The following DHTKD1 variants were observed in gnomAD, a reference collection of about 807,000 sequenced individuals.
DHTKD1 encodes dehydrogenase E1 and transketolase domain containing 1, also known as 2-oxoadipate dehydrogenase complex component E1.
In DHTKD1, 78 loss-of-function variants were observed where a neutral mutation model predicts 101.8. That is an observed-to-expected ratio of 0.77 (90% CI 0.64 to 0.93). DHTKD1 has a LOEUF of 0.93. DHTKD1 is among the 40% of genes least tolerant of loss of function. The pLI is 0.00. For synonymous variants in DHTKD1, 462 were observed against 450.3 expected, an observed-to-expected ratio of 1.03 and a Z score of -0.33; for missense variants, 1,223 against 1,161.7, an observed-to-expected ratio of 1.05 and a Z score of -0.77.
At chr10:12,101,481 T>C (rs923328788) in intron 10 of DHTKD1, among the ~76,000 whole-genome samples, 2 of 152,214 alleles carry the variant, frequency 1.3e-5, no homozygotes, top group African/African-American at 2.4e-5. Context: ...TTCATTAAAG[T>C]TAGTCAAAGA....
rs1833534486 is a variant in DHTKD1 at position 12,122,011 on chromosome 10, TA to T, written c.*1125del. The T allele has an allele frequency of 6.6e-6, 1 of 152,208 alleles. No individual in the cohort carries two copies. The highest frequency in any genetic ancestry group is 6.6e-5 in the Admixed American group (1 of 15,262). The allele number at this position is 152,208 out of a possible 1,614,324, so 9.4% of individuals were successfully genotyped here. On this transcript the variant is annotated 3_prime_UTR_variant, in exon 17 of 17. Transcript: ENST00000263035. Reference sequence around the variant, plus strand: ...GCAGTACTAATATTTTCATTTTATGTAATCTCTGGTGCTGCTTTCCAGTCAC... The same window carrying T: ...GCAGTACTAATATTTTCATTTTATGTATCTCTGGTGCTGCTTTCCAGTCAC...
At chr10:12,119,633 AAAGAAAG>A in intron 15 of DHTKD1, among the ~76,000 whole-genome samples, 2 of 150,716 alleles carry the variant, frequency 1.3e-5, no homozygotes, top group South Asian at 4.2e-4. Flanking sequence ...AAAAAAAAAA[AAAGAAAG>A]AAAATTTGGT....
chr10:12,079,924 A>C (rs1041360727), intron 1 of DHTKD1, among the ~76,000 whole-genome samples: 1 of 152,158 alleles, frequency 6.6e-6, no homozygotes, highest in African/African-American at 2.4e-5. Context: ...TATGAGTGCA[A>C]ACACATCCTG....
intron 12 of DHTKD1, among the ~76,000 whole-genome samples, chr10:12,109,809 A>G (rs1395995016): frequency 6.6e-6 from 1 of 151,938 alleles, no homozygotes; most frequent in Non-Finnish European, 1.5e-5. Context: ...ACTAAAAATA[A>G]ATAAATAAAT....
rs1312234723 is a variant in DHTKD1 at position 12,110,290 on chromosome 10, C to G, written c.2154+2275C>G. Among the ~76,000 whole-genome samples the G allele has an allele frequency of 2.6e-5, 4 of 152,056 alleles. No individual in the cohort carries two copies. Among genetic ancestry groups the G allele is most frequent in the Non-Finnish European group, 4.4e-5 (3 of 68,018 alleles). On this transcript the variant is annotated intron_variant, in intron 12 of 16. Coordinates refer to ENST00000263035, the MANE Select transcript of DHTKD1 (RefSeq NM_018706.7). The surrounding 1 kb of genome is among the most constrained non-coding windows in gnomAD (Gnocchi z 4.9). ...CCAGCCTGGGTGACAGAGCGAGACT[C>G]TGTCTCCAGAAAAAAGAATGTGGTC...
rs920702317 is a variant in DHTKD1 at position 12,107,484 on chromosome 10, C to T, written c.2048-425C>T. On this transcript the variant is annotated intron_variant, in intron 11 of 16. Transcript: ENST00000263035. This position sits in a 1 kb window ranked among gnomAD's most constrained non-coding sequence, Gnocchi z 4.1. ...TCAGGCTGGTGTGCAGTGGCATGAT[C>T]TCAGGACACTGCAACCTCTATCTCC... Among the ~76,000 whole-genome samples, 1 of 152,064 alleles carries T rather than the reference C, an allele frequency of 6.6e-6. No individual in the cohort carries two copies. Among genetic ancestry groups the T allele is most frequent in the Non-Finnish European group, 1.5e-5 (1 of 68,028 alleles).
At position 12,097,669 on chromosome 10, in the gene DHTKD1, C is replaced by G; in HGVS notation, c.1359-15C>G. 1 of 1,589,364 alleles carries G rather than the reference C, an allele frequency of 6.3e-7. No individual in the cohort carries two copies. The highest frequency in any genetic ancestry group is 8.6e-7 in the Non-Finnish European group (1 of 1,168,482). On this transcript the variant is annotated splice_polypyrimidine_tract_variant and intron_variant, in intron 7 of 16. Coordinates refer to ENST00000263035, the MANE Select transcript of DHTKD1 (RefSeq NM_018706.7). ...CAGGTCAGACTGATTTTTGTTTCTT[C>G]TCTTTCTTGGGCAGAGCTCGAAAGA... is the stretch of plus-strand genomic sequence containing the variant.
intron 13 of DHTKD1, among the ~76,000 whole-genome samples, chr10:12,114,714 T>G (rs1254422019): frequency 6.6e-6 from 1 of 152,230 alleles, no homozygotes; most frequent in East Asian, 1.9e-4. Context: ...AGTGTATATT[T>G]GGAATTGAGG....
chr10:12,119,459 C>CA (rs769755049), intron 15 of DHTKD1, among the ~76,000 whole-genome samples: 27 of 143,242 alleles, frequency 1.9e-4, no homozygotes, highest in African/African-American at 6.5e-4. Flanking sequence ...ACTGAAAATA[C>CA]AAAAAAATTA....
At chr10:12,108,677 T>C (rs1273667119) in intron 12 of DHTKD1, among the ~76,000 whole-genome samples, 1 of 152,222 alleles carries the variant, frequency 6.6e-6, no homozygotes, top group Non-Finnish European at 1.5e-5. Flanking sequence ...TATTTCCTTA[T>C]AGTTTATTAT....
At position 12,090,446 on chromosome 10, in the gene DHTKD1, TCC is replaced by T. The variant is rs1383918812; in HGVS notation, c.988-1066_988-1065del. Among the ~76,000 whole-genome samples, 376 of 120,802 alleles carry T rather than the reference TCC, an allele frequency of 3.1e-3. 2 individuals carry two copies. The highest frequency in any genetic ancestry group is 9.3e-3 in the African/African-American group (298 of 32,116). 79.3% of individuals were successfully genotyped at this position (120,802 alleles called of 152,430 possible). Reference sequence around the variant, plus strand: ...CTTCCTTTTTCCTTCCTTCCTTCCTTCCTTCCTTCCTTCCTTCCTTCCTTCCT... The same window carrying T: ...CTTCCTTTTTCCTTCCTTCCTTCCTTTTCCTTCCTTCCTTCCTTCCTTCCT... On this transcript the variant is annotated intron_variant, in intron 5 of 16. Coordinates refer to ENST00000263035, the MANE Select transcript of DHTKD1 (RefSeq NM_018706.7).
chr10:12,081,429 A>G, intron 1 of DHTKD1, 43 bp from the exon 2 acceptor site: 1 of 1,559,524 alleles, frequency 6.4e-7, no homozygotes. Flanking sequence ...ATTTGTAGTC[A>G]TCTCCTAAAC....
chr10:12,105,527 A>T (rs975712728), intron 10 of DHTKD1, among the ~76,000 whole-genome samples: 2 of 151,460 alleles, frequency 1.3e-5, no homozygotes, highest in Non-Finnish European at 2.9e-5. Context: ...CATGTTGCCC[A>T]TGTTGATCTC....
At chr10:12,105,079 C>A (rs892581160) in intron 10 of DHTKD1, among the ~76,000 whole-genome samples, 1 of 151,788 alleles carries the variant, frequency 6.6e-6, no homozygotes, top group African/African-American at 2.4e-5. Context: ...AGGCTGGTCT[C>A]GAACTCCTGA....
intron 1 of DHTKD1, among the ~76,000 whole-genome samples, chr10:12,080,344 T>C (rs918288164): frequency 1.4e-5 from 2 of 146,228 alleles, no homozygotes; most frequent in South Asian, 2.2e-4. Context: ...GTGCATAGAA[T>C]ACAAACCCAA....
rs773690754 is a variant in DHTKD1 at position 12,117,749 on chromosome 10, C to T, written c.2396C>T (p.Pro799Leu). The stretch of plus-strand genomic sequence containing the variant: ...GTCATTGGTGATTCATCTGTGGATC[C>T]AAAAAAGTAAGATATGTATCTCTGT... ...NPVIGDSSVD[P>L]KKVKTLVFCS... The change falls in exon 14 of 17, where the codon CCA becomes CTA. Residue 799 changes from proline (P) to leucine (L), a missense_variant. Coordinates refer to ENST00000263035, the MANE Select transcript of DHTKD1 (RefSeq NM_018706.7). 4 of 1,576,924 alleles carry T rather than the reference C, an allele frequency of 2.5e-6. No individual in the cohort carries two copies. Among genetic ancestry groups the T allele is most frequent in the East Asian group, 4.5e-5 (2 of 44,002 alleles).
At chr10:12,082,821 A>G (rs978987364) in intron 2 of DHTKD1, among the ~76,000 whole-genome samples, 2 of 152,154 alleles carry the variant, frequency 1.3e-5, no homozygotes, top group Non-Finnish European at 2.9e-5. Context: ...CAAAAAAGAA[A>G]TACAATGAAC....
chr10:12,089,775 A>G (rs1444781857), intron 5 of DHTKD1, among the ~76,000 whole-genome samples: 1 of 151,804 alleles, frequency 6.6e-6, no homozygotes, highest in Non-Finnish European at 1.5e-5. Context: ...GGTTCAAGTG[A>G]TTCTCCTGCC....
At position 12,106,090 on chromosome 10, in the gene DHTKD1, C is replaced by T. The variant is rs117670002; in HGVS notation, c.1897-156C>T. ...AGCCTGGGCAACAAAAGTGAAACTC[C>T]GTCTCAAAAAGCAGAAACAAACAAA... On this transcript the variant is annotated intron_variant, in intron 10 of 16. Coordinates refer to ENST00000263035, the MANE Select transcript of DHTKD1 (RefSeq NM_018706.7). Among the ~76,000 whole-genome samples the T allele has an allele frequency of 2.8e-4, 42 of 152,140 alleles. No individual in the cohort carries two copies. The East Asian group carries it at 6.6e-3, about 24-fold the overall frequency.
Sources: allele counts gnomAD v4.1 joint callset (sites outside exome capture counted in the v4.1 genomes callset), GRCh38; gene constraint gnomAD v4.1.1; non-coding constraint Gnocchi (gnomAD v3.1); transcripts MANE v1.5; gene names NCBI Gene and HGNC (gene_info 2026-07-23, HGNC 2026-07-21).